Variants in WDR5 observed in about 807,000 individuals in gnomAD.
WDR5 encodes WD repeat domain 5, also known as WD repeat-containing protein 5.
For synonymous variants in WDR5, 144 were observed against 161.6 expected (o/e 0.89, Z 0.83); for missense variants, 187 against 416.9 (o/e 0.45, Z 4.80).
At chr9:134,151,779 T>C (rs1255987803) in intron 8 of WDR5, among the ~76,000 whole-genome samples, 1 of 152,088 alleles carries the variant, frequency 6.6e-6, no homozygotes, top group Non-Finnish European at 1.5e-5. Flanking sequence ...GTGTGTAGCA[T>C]GTGTGGACTG....
intron 9 of WDR5, among the ~76,000 whole-genome samples, chr9:134,153,453 A>T (rs1231708872): frequency 1.3e-5 from 2 of 152,232 alleles, no homozygotes; most frequent in Admixed American, 1.3e-4. Context: ...GGCTCTGCCC[A>T]GGCAGCCTGG....
intron 7 of WDR5, 91 bp downstream of exon 7, chr9:134,142,810 C>G: frequency 6.0e-6 from 8 of 1,329,656 alleles, no homozygotes; most frequent in Middle Eastern, 2.2e-4. Context: ...GGGCGTAAGC[C>G]TGGCCATGGC....
At chr9:134,141,811 C>T in intron 4 of WDR5, 138 bp from the exon 5 acceptor site, 1 of 934,326 alleles carries the variant, frequency 1.1e-6, no homozygotes, top group Admixed American at 2.5e-5. Context: ...TGTTTTTCTC[C>T]TGGGCCGTGT....
chr9:134,158,305 C>T lies in WDR5; in HGVS notation c.*312C>T, dbSNP rs1047427594. ...GAAGGGTGAAGTTCAATTTAACATGCGTTGTGTTTTTTCAGTAAACGTTCT... is the reference window on the plus strand; with the variant it reads ...GAAGGGTGAAGTTCAATTTAACATGTGTTGTGTTTTTTCAGTAAACGTTCT... On this transcript the variant is annotated 3_prime_UTR_variant, in exon 14 of 14. Coordinates refer to ENST00000358625, the MANE Select transcript of WDR5 (RefSeq NM_017588.3). The T allele has an allele frequency of 9.0e-6, 2 of 223,076 alleles. No homozygotes were observed. The highest frequency in any genetic ancestry group is 1.8e-5 in the Non-Finnish European group (2 of 113,106). 13.8% of individuals were successfully genotyped at this position (223,076 alleles called of 1,614,324 possible).
chr9:134,156,452 A>G (rs1031643884), intron 12 of WDR5, 54 bp from the exon 13 acceptor site: 1 of 1,554,834 alleles, frequency 6.4e-7, no homozygotes. Flanking sequence ...TTTCACATGC[A>G]TGAGCTCTGA....
intron 7 of WDR5, among the ~76,000 whole-genome samples, chr9:134,143,827 TTA>T (rs1564190618): frequency 2.2e-5 from 3 of 134,618 alleles, no homozygotes; most frequent in Non-Finnish European, 3.2e-5. Context: ...AACTCTGTCT[TTA>T]AAAAAAAAAA....
intron 7 of WDR5, among the ~76,000 whole-genome samples, chr9:134,143,432 T>G (rs1413976088): frequency 6.6e-6 from 1 of 152,008 alleles, no homozygotes; most frequent in East Asian, 1.9e-4. Context: ...TCCCAGCTCC[T>G]GGGGAGGCTG....
At chr9:134,142,970 C>CCGTT (rs1831972438) in intron 7 of WDR5, among the ~76,000 whole-genome samples, 2 of 152,182 alleles carry the variant, frequency 1.3e-5, no homozygotes, top group Admixed American at 1.3e-4. Flanking sequence ...CACCAAGGGG[C>CCGTT]CGTTTGTGCA....
chr9:134,156,910 T>C (rs1832770898), intron 13 of WDR5, among the ~76,000 whole-genome samples: 1 of 152,240 alleles, frequency 6.6e-6, no homozygotes, highest in Non-Finnish European at 1.5e-5. Context: ...GAGCTCTGTT[T>C]CCTGGGCTGG....
Position 134,156,610 on chromosome 9 carries a change from C to G in WDR5, c.904+17C>G. ...GCCACACAGGTGAGGGCCTGCGCTC[C>G]TGCAGTCACTGGCTGCCTGTTGATG... On this transcript the variant is annotated intron_variant, in intron 13 of 13. Transcript: ENST00000358625. 6.2e-7 allele frequency: 1 copy of G among 1,613,032 alleles called. No homozygotes were observed. The highest frequency in any genetic ancestry group is 8.5e-7 in the Non-Finnish European group (1 of 1,179,068).
intron 2 of WDR5, 72 bp from the exon 3 acceptor site, chr9:134,140,631 G>A (rs1831835753): frequency 7.7e-7 from 1 of 1,292,396 alleles, no homozygotes; most frequent in South Asian, 1.2e-5. Flanking sequence ...AATGGTGGGA[G>A]TCAAAATCCA....
chr9:134,144,516 T>TG (rs995816801), intron 7 of WDR5, among the ~76,000 whole-genome samples: 3 of 152,286 alleles, frequency 2.0e-5, no homozygotes, highest in African/African-American at 7.2e-5. Flanking sequence ...AGTCTTTTTT[T>TG]CTTACGAAAG....
In WDR5 at chr9:134,159,840, C is replaced by T. The variant is rs1407258111; in HGVS notation, c.*1847C>T. ...CTTGTTCTGGGGGGACGGCCCACTC[C>T]GGGGAGGGGGTGTGCTGTGCTGAGC... is the stretch of plus-strand genomic sequence containing the variant. On this transcript the variant is annotated 3_prime_UTR_variant, in exon 14 of 14. Transcript: ENST00000358625. The surrounding 1 kb of genome is among the most constrained non-coding windows in gnomAD (Gnocchi z 4.3). 4 of 152,160 alleles carry T rather than the reference C, an allele frequency of 2.6e-5. No individual in the cohort carries two copies. The highest frequency in any genetic ancestry group is 6.5e-5 in the Admixed American group (1 of 15,278). 9.4% of individuals were successfully genotyped at this position (152,160 alleles called of 1,614,324 possible). A position where few individuals can be genotyped will look rare whatever the true frequency, so the allele number is the denominator to read the frequency against.
At position 134,157,571 on chromosome 9, in the gene WDR5, C is replaced by T. The variant is rs576719581; in HGVS notation, c.905-322C>T. 1.8e-4 allele frequency among the ~76,000 whole-genome samples: 28 copies of T among 152,230 alleles called. No homozygotes were observed. Among genetic ancestry groups the T allele is most frequent in the African/African-American group, 3.4e-4 (14 of 41,540 alleles). On this transcript the variant is annotated intron_variant, in intron 13 of 13. Coordinates refer to ENST00000358625, the MANE Select transcript of WDR5 (RefSeq NM_017588.3). The surrounding 1 kb of genome is among the most constrained non-coding windows in gnomAD (Gnocchi z 5.0). ...CCAGCCTCTGAGCCAGTCCTGCTGC[C>T]GCGCTCCTCCTTGTGGGCGCCGAGC... is the stretch of plus-strand genomic sequence containing the variant.
At chr9:134,137,270 GGCC>G (rs72108503) in intron 1 of WDR5, among the ~76,000 whole-genome samples, 3,007 of 152,186 alleles carry the variant, frequency 0.02, 45 homozygotes, top group Middle Eastern at 0.031. Context: ...CTGGTCTAGG[GGCC>G]GCCAATTCAT....
chr9:134,151,960 T>C, intron 8 of WDR5, 23 bp from the exon 9 acceptor site: 1 of 1,612,852 alleles, frequency 6.2e-7, no homozygotes, highest in Non-Finnish European at 8.5e-7. Context: ...TGCTTACGCT[T>C]TTTTGTTCTC....
At chr9:134,137,666 TCAAAAAAAAAA>T (rs1831636606) in intron 1 of WDR5, among the ~76,000 whole-genome samples, 1 of 37,876 alleles carries the variant, frequency 2.6e-5, no homozygotes, top group African/African-American at 7.9e-5. Context: ...GGACTGTGTC[TCAAAAAAAAAA>T]CAAAAACAAA....
At chr9:134,156,819 C>G (rs117439125) in intron 13 of WDR5, among the ~76,000 whole-genome samples, 3,356 of 152,334 alleles carry the variant, frequency 0.022, 61 homozygotes, top group Middle Eastern at 0.034. Flanking sequence ...CTGTTTCTCC[C>G]TGTTCTGCCA....
intron 1 of WDR5, among the ~76,000 whole-genome samples, chr9:134,137,667 C>CAA (rs139470012): frequency 0.38 from 35,061 of 92,804 alleles, 6,110 homozygotes; most frequent in East Asian, 0.49. Context: ...GACTGTGTCT[C>CAA]AAAAAAAAAA....
Sources: allele counts gnomAD v4.1 joint callset (sites outside exome capture counted in the v4.1 genomes callset), GRCh38; gene constraint gnomAD v4.1.1; non-coding constraint Gnocchi (gnomAD v3.1); transcripts MANE v1.5; gene names NCBI Gene and HGNC (gene_info 2026-07-23, HGNC 2026-07-21).